CCDC146: variants seen among roughly 807,000 people sequenced by gnomAD.
CCDC146 encodes coiled-coil domain-containing protein 146.
Under a neutral mutation model 119.3 loss-of-function variants are expected in CCDC146, and 92 were observed. The observed-to-expected ratio is 0.77, with a 90% confidence interval of 0.65 to 0.92. The LOEUF (loss-of-function observed/expected upper bound fraction) is 0.92, where lower values mean the gene tolerates loss of function less well. Among genes scored for constraint, CCDC146 ranks in the 40% least tolerant of loss-of-function variants. The pLI is 0.00. For synonymous variants in CCDC146, 372 were observed against 371.8 expected (o/e 1.00, Z -0.01); for missense variants, 1,000 against 1,103.0 (o/e 0.91, Z 1.32).
intron 9 of CCDC146, among the ~76,000 whole-genome samples, chr7:77,271,362 C>T (rs1793510077): frequency 6.6e-6 from 1 of 151,262 alleles, no homozygotes; most frequent in African/African-American, 2.4e-5. Context: ...CATCGGACTC[C>T]AAGTTTCTTC....
chr7:77,146,313 C>T (rs1791018815), intron 1 of CCDC146, among the ~76,000 whole-genome samples: 1 of 152,120 alleles, frequency 6.6e-6, no homozygotes. Context: ...TGTGTCTCTG[C>T]ACATGAGATG....
intron 1 of CCDC146, among the ~76,000 whole-genome samples, chr7:77,148,634 CAGGAT>C (rs1225162207): frequency 2.0e-5 from 3 of 152,088 alleles, no homozygotes; most frequent in African/African-American, 7.2e-5. Flanking sequence ...GTCAACGCCT[CAGGAT>C]ACAAAATCAA....
intron 2 of CCDC146, among the ~76,000 whole-genome samples, chr7:77,224,397 T>C (rs1317444589): frequency 1.3e-5 from 2 of 152,228 alleles, no homozygotes; most frequent in South Asian, 2.1e-4. Flanking sequence ...TTTCATTTCA[T>C]GTCTCAAATC....
intron 2 of CCDC146, chr7:77,199,188 T>C: frequency 3.1e-6 from 5 of 1,613,082 alleles, no homozygotes; most frequent in Non-Finnish European, 4.2e-6. Flanking sequence ...TACCTGGACG[T>C]GACTGTATTT....
Position 77,224,159 on chromosome 7 carries a change from T to G in CCDC146, c.157-12788T>G, listed in dbSNP as rs1792459272. On this transcript the variant is annotated intron_variant, in intron 2 of 18. Transcript: ENST00000285871. ...ACTTAGTGGCTTAAACACAAATTTA[T>G]CATCTAATAATTCTGTAGGTCAGAA... 3.3e-5 allele frequency among the ~76,000 whole-genome samples: 5 copies of G among 152,222 alleles called. No individual in the cohort carries two copies. The South Asian group carries it at 1.0e-3, about 32-fold the overall frequency.
intron 2 of CCDC146, among the ~76,000 whole-genome samples, chr7:77,176,742 T>C (rs1467557929): frequency 8.5e-6 from 1 of 117,962 alleles, no homozygotes; most frequent in Non-Finnish European, 2.1e-5. Context: ...TAAAGTTATC[T>C]TTTTTTATGA....
Position 77,279,068 on chromosome 7 carries a change from A to C in CCDC146, c.1661A>C (p.Glu554Ala), listed in dbSNP as rs754445130. 2 of 1,610,610 alleles carry C rather than the reference A, an allele frequency of 1.2e-6. No homozygotes were observed. The highest frequency in any genetic ancestry group is 8.5e-7 in the Non-Finnish European group (1 of 1,178,314). Residue 554 changes from glutamate to alanine, a missense_variant, in exon 13 of 19, where the codon GAA becomes GCA. Physicochemically the swap from Glu to Ala is moderately radical, Grantham distance 107. Around this residue, in one of 2 missense-constraint regions of CCDC146, gnomAD observed 985 missense variants for 1,045.3 expected, o/e 0.94. Coordinates refer to ENST00000285871, the MANE Select transcript of CCDC146 (RefSeq NM_020879.3). ...ERHKMSLNEL[E>A]ILRNSAVSQE... ...CATAAAATGTCATTAAATGAACTTG[A>C]AATTCTGAGAAATAGTGCCGTTAGT... is the stretch of plus-strand genomic sequence containing the variant.
chr7:77,143,621 A>G lies in CCDC146; in HGVS notation c.-12+20889A>G, dbSNP rs1010050038. Among the ~76,000 whole-genome samples the G allele has an allele frequency of 1.5e-4, 23 of 151,930 alleles. 1 individual carries two copies. The highest frequency in any genetic ancestry group is 5.6e-4 in the African/African-American group (23 of 41,198). On this transcript the variant is annotated intron_variant, in intron 1 of 18. Coordinates refer to ENST00000285871, the MANE Select transcript of CCDC146 (RefSeq NM_020879.3). The stretch of plus-strand genomic sequence containing the variant: ...AGGTGTAAGGAAGGGATCCAGTTTC[A>G]GGTTTCTACATATGGCTAGCCAGTT...
intron 1 of CCDC146, among the ~76,000 whole-genome samples, chr7:77,165,663 A>T (rs1791328388): frequency 6.6e-6 from 1 of 152,234 alleles, no homozygotes; most frequent in African/African-American, 2.4e-5. Flanking sequence ...GCCTCAGGAG[A>T]AAGAAGAGGC....
chr7:77,140,093 C>T (rs1293378244), intron 1 of CCDC146, among the ~76,000 whole-genome samples: 1 of 151,842 alleles, frequency 6.6e-6, no homozygotes, highest in East Asian at 1.9e-4. Context: ...CGAGGTTTCA[C>T]CATGTTGGCC....
intron 2 of CCDC146, among the ~76,000 whole-genome samples, chr7:77,197,361 T>C (rs1393258223): frequency 6.6e-6 from 1 of 152,244 alleles, no homozygotes; most frequent in Non-Finnish European, 1.5e-5. Context: ...GACCTTATGA[T>C]GTAGGCGTTA....
chr7:77,262,231 A>G lies in CCDC146; in HGVS notation c.1097A>G (p.Lys366Arg), dbSNP rs1793313838. The change falls in exon 9 of 19, where the codon AAG (lysine) becomes AGG (arginine). Residue 366 changes from lysine (K) to arginine (R), a missense_variant. Lys to Arg is a conservative substitution (Grantham distance 26). This residue lies in a region of CCDC146 where 985 missense variants were observed against 1,045.3 expected (regional missense o/e 0.94). Coordinates refer to ENST00000285871, the MANE Select transcript of CCDC146 (RefSeq NM_020879.3). Reference protein sequence around the residue: ...EKERDFRNLRKMELLLKVSWD... With the variant: ...EKERDFRNLRRMELLLKVSWD... ...GAACGAGATTTTCGAAATTTAAGAA[A>G]GATGGAACTGCTCTTGAAAGTGTCC... The G allele has an allele frequency of 1.2e-6, 2 of 1,614,112 alleles. No individual in the cohort carries two copies. The highest frequency in any genetic ancestry group is 1.7e-6 in the Non-Finnish European group (2 of 1,180,000).
In CCDC146 at chr7:77,256,351, A is replaced by C; in HGVS notation, c.526A>C (p.Lys176Gln). 1 of 1,593,400 alleles carries C rather than the reference A, an allele frequency of 6.3e-7. No individual in the cohort carries two copies. The highest frequency in any genetic ancestry group is 8.5e-7 in the Non-Finnish European group (1 of 1,173,520). The change falls in exon 6 of 19, where the codon AAA (lysine) becomes CAA (glutamine). Residue 176 changes from lysine to glutamine, a missense_variant. Around this residue, in one of 2 missense-constraint regions of CCDC146, gnomAD observed 985 missense variants for 1,045.3 expected, o/e 0.94. Transcript: ENST00000285871. ...TTTAAAGGAAATGGAGAAGAAGATGAAAATATTGAGAGAAAGCACTGAAGA... is the reference window on the plus strand; with the variant it reads ...TTTAAAGGAAATGGAGAAGAAGATGCAAATATTGAGAGAAAGCACTGAAGA... ...TKPGEMEKKM[K>Q]ILRESTEELR...
intron 14 of CCDC146, among the ~76,000 whole-genome samples, chr7:77,281,060 G>A (rs7796088): frequency 0.17 from 26,139 of 150,358 alleles, 2,474 homozygotes; most frequent in African/African-American, 0.25. Context: ...CTGAGATCGT[G>A]CCACTGCACT....
At chr7:77,191,455 T>C (rs527769045) in intron 2 of CCDC146, among the ~76,000 whole-genome samples, 3 of 152,336 alleles carry the variant, frequency 2.0e-5, no homozygotes, top group Admixed American at 6.5e-5. Context: ...ACAATACTCA[T>C]GTCTCAAATT....
chr7:77,223,408 C>T (rs1792443452), intron 2 of CCDC146, among the ~76,000 whole-genome samples: 1 of 152,216 alleles, frequency 6.6e-6, no homozygotes, highest in South Asian at 2.1e-4. Flanking sequence ...TGGGAGGCCC[C>T]GTTTGCCCCC....
chr7:77,241,144 G>A (rs10236973), intron 3 of CCDC146, among the ~76,000 whole-genome samples: 4,276 of 149,382 alleles, frequency 0.029, 202 homozygotes, highest in African/African-American at 0.099. Flanking sequence ...TGCAAGCTCC[G>A]CCTCCTGGGT....
intron 1 of CCDC146, among the ~76,000 whole-genome samples, chr7:77,141,260 TA>T (rs1790929061): frequency 6.6e-6 from 1 of 152,224 alleles, no homozygotes; most frequent in South Asian, 2.1e-4. Context: ...CATCCTTTTT[TA>T]TGGCTGCATA....
intron 2 of CCDC146, among the ~76,000 whole-genome samples, chr7:77,218,218 G>C (rs3095476): frequency 6.6e-6 from 1 of 151,626 alleles, no homozygotes; most frequent in East Asian, 1.9e-4. Context: ...ACTGTATGTA[G>C]GTATGTGTGT....
Sources: allele counts gnomAD v4.1 joint callset (sites outside exome capture counted in the v4.1 genomes callset), GRCh38; gene constraint gnomAD v4.1.1; regional missense constraint gnomAD v4.1.1; transcripts MANE v1.5; gene names NCBI Gene and HGNC (gene_info 2026-07-23, HGNC 2026-07-21).